The following GPSM1 variants were observed in gnomAD, a reference collection of about 807,000 sequenced individuals.
The protein encoded by GPSM1 is G protein-signaling modulator 1.
Under a neutral mutation model 70.5 loss-of-function variants are expected in GPSM1, and 48 were observed. That is an observed-to-expected ratio of 0.68 (90% CI 0.54 to 0.87). GPSM1 has a LOEUF of 0.87. Among genes scored for constraint, GPSM1 ranks in the 40% least tolerant of loss-of-function variants. The probability of loss-of-function intolerance (pLI) is 0.00; values close to 1 mark genes in which losing one functional copy is unlikely to be tolerated. For missense variants in GPSM1, 981 were observed against 972.6 expected (o/e 1.01, Z -0.11); for synonymous variants, 416 against 430.1 (o/e 0.97, Z 0.41).
At chr9:136,357,131 G>A (rs1832853086) in intron 13 of GPSM1, among the ~76,000 whole-genome samples, 1 of 152,222 alleles carries the variant, frequency 6.6e-6, no homozygotes, top group Non-Finnish European at 1.5e-5. Context: ...CAGGTAGGGT[G>A]GCCGGAGTGG....
At chr9:136,357,981 G>C (rs781895187) in intron 13 of GPSM1, 33 bp from the exon 14 acceptor site, 11 of 1,569,438 alleles carry the variant, frequency 7.0e-6, no homozygotes, top group Admixed American at 1.7e-5. Flanking sequence ...GGGCTGGGGG[G>C]GTGAGGCCGC....
At chr9:136,356,048 C>T (rs1415652648) in intron 12 of GPSM1, among the ~76,000 whole-genome samples, 1 of 152,116 alleles carries the variant, frequency 6.6e-6, no homozygotes, top group African/African-American at 2.4e-5. Flanking sequence ...CTCCGGGACA[C>T]ACTCAGGCTG....
At chr9:136,352,066 G>C in intron 11 of GPSM1, among the ~76,000 whole-genome samples, 1 of 147,516 alleles carries the variant, frequency 6.8e-6, no homozygotes. Flanking sequence ...CTGCGCCGTT[G>C]CTGTTGGTGA....
Position 136,349,603 on chromosome 9 carries a change from G to A in GPSM1, c.1295G>A (p.Ser432Asn). The change falls in exon 11 of 14, where the codon AGC (serine) becomes AAC (asparagine). Residue 432 changes from serine to asparagine, a missense_variant. Ser to Asn is a conservative substitution (Grantham distance 46). Coordinates refer to ENST00000440944, the MANE Select transcript of GPSM1 (RefSeq NM_001145638.3). ...CCTCCCCAGGAGCAGAATGGAGACAGCCACCATTCAGGGGACTGGCGGGGG... is the reference window on the plus strand; with the variant it reads ...CCTCCCCAGGAGCAGAATGGAGACAACCACCATTCAGGGGACTGGCGGGGG... Reference protein sequence around the residue: ...LPLEREQNGDSHHSGDWRGPS... With the variant: ...LPLEREQNGDNHHSGDWRGPS... The A allele has an allele frequency of 6.5e-7, 1 of 1,550,222 alleles. No homozygotes were observed. The highest frequency in any genetic ancestry group is 2.4e-5 in the East Asian group (1 of 41,024).
intron 11 of GPSM1, chr9:136,354,895 G>A (rs893292320): frequency 1.4e-5 from 14 of 1,013,220 alleles, no homozygotes; most frequent in East Asian, 2.2e-4. Flanking sequence ...GAGGCTTCCC[G>A]GGATGTCTGG....
At position 136,341,697 on chromosome 9, in the gene GPSM1, G is replaced by A. The variant is rs1832396345; in HGVS notation, c.1207+704G>A. 1.0e-6 allele frequency: 1 copy of A among 992,596 alleles called. No individual in the cohort carries two copies. The highest frequency in any genetic ancestry group is 1.2e-6 in the Non-Finnish European group (1 of 833,732). 61.5% of individuals were successfully genotyped at this position (992,596 alleles called of 1,614,324 possible). ...TTGAGTTTGCCAGCCCCCGAGAAGG[G>A]ATGCCTGCCTCCCAGAACGTACCTG... On this transcript the variant is annotated intron_variant, in intron 9 of 13. Coordinates refer to ENST00000440944, the MANE Select transcript of GPSM1 (RefSeq NM_001145638.3). This position sits in a 1 kb window ranked among gnomAD's most constrained non-coding sequence, Gnocchi z 6.7.
intron 9 of GPSM1, among the ~76,000 whole-genome samples, chr9:136,344,813 C>T (rs1210020439): frequency 6.6e-6 from 1 of 152,168 alleles, no homozygotes; most frequent in Non-Finnish European, 1.5e-5. Context: ...GGGCCTTGGC[C>T]GAAGAAGGGA....
In GPSM1 at chr9:136,348,538, G is replaced by A. The variant is rs1423916797; in HGVS notation, c.1208-159G>A. ...ACTCTGACAGTACAGTCGGGGAGAC[G>A]CAGAGGACACTCAGACATGGCGCTC... On this transcript the variant is annotated intron_variant, in intron 9 of 13. Coordinates refer to ENST00000440944, the MANE Select transcript of GPSM1 (RefSeq NM_001145638.3). 9.9e-5 allele frequency among the ~76,000 whole-genome samples: 15 copies of A among 152,230 alleles called. No individual in the cohort carries two copies. The East Asian group carries it at 1.3e-3, about 14-fold the overall frequency.
chr9:136,349,766 AG>A lies in GPSM1; in HGVS notation c.1455+5del. On this transcript the variant is annotated splice_donor_region_variant and intron_variant, in intron 11 of 13. Coordinates refer to ENST00000440944, the MANE Select transcript of GPSM1 (RefSeq NM_001145638.3). ...TCCGGGTGCACGTGCCACGCACGGT[AG>A]GCGTCTTTGACGGCAGATCCAGGCC... The A allele has an allele frequency of 6.4e-7, 1 of 1,570,776 alleles. No homozygotes were observed. Among genetic ancestry groups the A allele is most frequent in the Non-Finnish European group, 8.6e-7 (1 of 1,159,260 alleles).
At position 136,358,437 on chromosome 9, in the gene GPSM1, C is replaced by G. The variant is rs994445212; in HGVS notation, c.*217C>G. ...GCCCCCATGGCCCTCAGCTTCCTCC[C>G]TTCTGCCCCTGCCGCAGGCCGGACG... is the stretch of plus-strand genomic sequence containing the variant. On this transcript the variant is annotated 3_prime_UTR_variant, in exon 14 of 14. Transcript: ENST00000440944. 4 of 569,836 alleles carry G rather than the reference C, an allele frequency of 7.0e-6. No homozygotes were observed. Among genetic ancestry groups the G allele is most frequent in the Non-Finnish European group, 1.2e-5 (4 of 327,786 alleles). 35.3% of individuals were successfully genotyped at this position (569,836 alleles called of 1,614,324 possible).
chr9:136,339,746 C>T lies in GPSM1; in HGVS notation c.1014C>T (p.Ala338=). 6.5e-7 allele frequency: 1 copy of T among 1,550,264 alleles called. No homozygotes were observed. The highest frequency in any genetic ancestry group is 8.7e-7 in the Non-Finnish European group (1 of 1,146,760). Residue 338 remains alanine, a synonymous_variant, in exon 8 of 14, where the codon GCC becomes GCT. Transcript: ENST00000440944. ...EGRACWSLGN[A]YVSMGRPAQA... ...GGGCGTGCTGGAGCCTGGGAAATGC[C>T]TACGTGTCCATGGGGCGCCCAGCGC...
chr9:136,329,675 C>T (rs552733640), intron 1 of GPSM1, among the ~76,000 whole-genome samples: 2 of 152,188 alleles, frequency 1.3e-5, no homozygotes, highest in East Asian at 1.9e-4. Flanking sequence ...GACATTCCTT[C>T]CTGGAGAGAG....
At position 136,342,384 on chromosome 9, in the gene GPSM1, G is replaced by A. The variant is rs1469160314; in HGVS notation, c.1207+1391G>A. 6.6e-6 allele frequency among the ~76,000 whole-genome samples: 1 copy of A among 152,210 alleles called. No homozygotes were observed. Among genetic ancestry groups the A allele is most frequent in the Non-Finnish European group, 1.5e-5 (1 of 68,024 alleles). On this transcript the variant is annotated intron_variant, in intron 9 of 13. Coordinates refer to ENST00000440944, the MANE Select transcript of GPSM1 (RefSeq NM_001145638.3). This position sits in a 1 kb window ranked among gnomAD's most constrained non-coding sequence, Gnocchi z 5.5. ...TTCTTTCTTGGAGCCAAGGAAAAGG[G>A]GGGCCGGAGTGGGAGGACGCTGGAA... is the stretch of plus-strand genomic sequence containing the variant.
chr9:136,327,959 C>A (rs1336592987), intron 1 of GPSM1, among the ~76,000 whole-genome samples, 196 bp downstream of exon 1: 1 of 151,766 alleles, frequency 6.6e-6, no homozygotes, highest in Non-Finnish European at 1.5e-5. Flanking sequence ...CCTCTTTCCC[C>A]CAAGCCAAGG....
intron 13 of GPSM1, among the ~76,000 whole-genome samples, chr9:136,357,082 C>T (rs2131418913): frequency 6.6e-6 from 1 of 152,296 alleles, no homozygotes; most frequent in East Asian, 1.9e-4. Context: ...GCCTGGCAGC[C>T]ACGCCAGGAA....
At chr9:136,344,419 T>C (rs1323709038) in intron 9 of GPSM1, among the ~76,000 whole-genome samples, 1 of 152,180 alleles carries the variant, frequency 6.6e-6, no homozygotes, top group Non-Finnish European at 1.5e-5. Context: ...GTTTGGGTGC[T>C]GTGTGCTCGG....
At chr9:136,356,584 GCC>G (rs782710348) in intron 13 of GPSM1, 34 bp downstream of exon 13, 2 of 1,524,854 alleles carry the variant, frequency 1.3e-6, no homozygotes, top group Non-Finnish European at 1.8e-6. Flanking sequence ...GTGGCTCGCG[GCC>G]CCTTTGCCAT....
chr9:136,353,803 G>C (rs1254422973), intron 11 of GPSM1, among the ~76,000 whole-genome samples: 1 of 152,138 alleles, frequency 6.6e-6, no homozygotes, highest in South Asian at 2.1e-4. Context: ...CATAGCCCAG[G>C]AGCCAGTTCC....
chr9:136,352,887 C>T (rs552584424), intron 11 of GPSM1, among the ~76,000 whole-genome samples: 2 of 152,264 alleles, frequency 1.3e-5, no homozygotes, highest in East Asian at 1.9e-4. Context: ...GGAGTGTTTA[C>T]GGAGTGCGCC....
Sources: allele counts gnomAD v4.1 joint callset (sites outside exome capture counted in the v4.1 genomes callset), GRCh38; gene constraint gnomAD v4.1.1; non-coding constraint Gnocchi (gnomAD v3.1); transcripts MANE v1.5; gene names NCBI Gene and HGNC (gene_info 2026-07-23, HGNC 2026-07-21).